Variants in CCDC7 observed in about 807,000 individuals in gnomAD.
CCDC7 encodes the protein coiled-coil domain-containing protein 7.
Under a neutral mutation model 196.9 loss-of-function variants are expected in CCDC7, and 183 were observed. That is an observed-to-expected ratio of 0.93 (90% CI 0.82 to 1.05). CCDC7 has a LOEUF of 1.05. Among genes scored for constraint, CCDC7 ranks in the 50% least tolerant of loss-of-function variants. CCDC7 has a pLI of 0.00. For missense variants in CCDC7, 1,540 were observed against 1,482.2 expected (o/e 1.04, Z -0.64); for synonymous variants, 525 against 484.6 (o/e 1.08, Z -1.10).
chr10:32,527,863 ATTTTTATTTTTAATT>A (rs2048914499), intron 11 of CCDC7, among the ~76,000 whole-genome samples: 1 of 151,996 alleles, frequency 6.6e-6, no homozygotes, highest in Admixed American at 6.6e-5. Context: ...TCTAATTTTT[ATTTTTATTTTTAATT>A]TTTTTATTTT....
chr10:32,508,932 ATT>A (rs4016795), intron 9 of CCDC7, among the ~76,000 whole-genome samples: 58 of 117,072 alleles, frequency 5.0e-4, no homozygotes, highest in African/African-American at 1.5e-3. Flanking sequence ...TGTGCCTGGC[ATT>A]TTTTTTTTTT....
chr10:32,724,610 A>G (rs1415639612), intron 25 of CCDC7, among the ~76,000 whole-genome samples: 2 of 152,122 alleles, frequency 1.3e-5, no homozygotes, highest in African/African-American at 4.8e-5. Context: ...AGCTCTTGCC[A>G]TTATATAGAT....
intron 21 of CCDC7, among the ~76,000 whole-genome samples, chr10:32,677,131 C>CGCATGTTCTCACTCATAGGTG (rs2075123589): frequency 6.9e-6 from 1 of 145,514 alleles, no homozygotes; most frequent in Non-Finnish European, 1.5e-5. Context: ...AACCAAACAC[C>CGCATGTTCTCACTCATAGGTG]GCATGTTCTC....
In CCDC7 at chr10:32,523,560, A is replaced by AC. The variant is rs542901427; in HGVS notation, c.993+5055_993+5056insC. ...CAAGACGCTGTCTCCAAAAAAAAAA[A>AC]AAACCGTAGGGTGTTTAAGTCTCCA... On this transcript the variant is annotated intron_variant, in intron 11 of 41. Transcript: ENST00000639629. 1.5e-3 allele frequency among the ~76,000 whole-genome samples: 221 copies of AC among 152,142 alleles called. 1 individual carries two copies. Among genetic ancestry groups the AC allele is most frequent in the African/African-American group, 5.1e-3 (210 of 41,498 alleles).
At chr10:32,518,370 A>G (rs1344323860) in intron 10 of CCDC7, 46 bp from the exon 12 acceptor site, 8 of 1,520,152 alleles carry the variant, frequency 5.3e-6, no homozygotes, top group Non-Finnish European at 7.0e-6. Context: ...ACCTTTCTAC[A>G]TTGAGAGTTT....
At chr10:32,786,038 A>G (rs545922627) in intron 29 of CCDC7, among the ~76,000 whole-genome samples, 11 of 152,316 alleles carry the variant, frequency 7.2e-5, no homozygotes, top group African/African-American at 2.4e-4. Context: ...GGAGACTCTT[A>G]GGATAGAATT....
At chr10:32,668,618 A>G (rs1591370895) in intron 21 of CCDC7, among the ~76,000 whole-genome samples, 1 of 152,114 alleles carries the variant, frequency 6.6e-6, no homozygotes, top group Non-Finnish European at 1.5e-5. Context: ...TTCTGCATCT[A>G]TTGAGATAAT....
At chr10:32,878,814 C>T (rs2094684941), downstream of CCDC7, among the ~76,000 whole-genome samples, 1 of 152,050 alleles carries the variant, frequency 6.6e-6, no homozygotes. Flanking sequence ...ATGTGTTTTT[C>T]TTTTGATTGA....
chr10:32,491,762 G>A (rs1171975714), intron 8 of CCDC7, among the ~76,000 whole-genome samples, 160 bp from the exon 10 acceptor site: 1 of 152,074 alleles, frequency 6.6e-6, no homozygotes, highest in Admixed American at 6.6e-5. Context: ...TAAAATGGTA[G>A]CTATTCTCCT....
At chr10:32,700,848 T>G (rs2078587084) in intron 24 of CCDC7, among the ~76,000 whole-genome samples, 1 of 152,210 alleles carries the variant, frequency 6.6e-6, no homozygotes, top group Non-Finnish European at 1.5e-5. Context: ...ACGATTTGGC[T>G]CTCTGTTTGT....
chr10:32,626,480 G>C (rs1159267422), intron 18 of CCDC7, among the ~76,000 whole-genome samples: 2 of 151,660 alleles, frequency 1.3e-5, no homozygotes, highest in African/African-American at 4.8e-5. Context: ...ATGAATGTAT[G>C]GCTTGTACAT....
chr10:32,658,702 C>T (rs969457146), intron 20 of CCDC7, among the ~76,000 whole-genome samples: 1 of 152,134 alleles, frequency 6.6e-6, no homozygotes, highest in African/African-American at 2.4e-5. Context: ...CTGTCAGTTG[C>T]AACGGCATCG....
intron 41 of CCDC7, among the ~76,000 whole-genome samples, chr10:32,857,890 C>A (rs1261892804): frequency 3.3e-5 from 5 of 151,040 alleles, no homozygotes; most frequent in Admixed American, 2.6e-4. Context: ...CCTTGCTAGG[C>A]AAACTAAGAA....
intron 20 of CCDC7, among the ~76,000 whole-genome samples, chr10:32,640,355 T>A (rs887271902): frequency 6.6e-6 from 1 of 151,916 alleles, no homozygotes; most frequent in Non-Finnish European, 1.5e-5. Context: ...GTTTTGCATT[T>A]GCTTGGTAGA....
At chr10:32,446,941 CCCTT>C (rs1384134795), upstream of CCDC7, among the ~76,000 whole-genome samples, 10 of 21,282 alleles carry the variant, frequency 4.7e-4, no homozygotes, top group East Asian at 1.0e-3. Flanking sequence ...TTCCCCTCTT[CCCTT>C]CCTCCCTCCC....
intron 20 of CCDC7, among the ~76,000 whole-genome samples, chr10:32,638,758 G>T (rs2066142620): frequency 5.9e-5 from 9 of 152,178 alleles, no homozygotes; most frequent in Admixed American, 4.6e-4. Context: ...ATGAGTTAGG[G>T]TGGATTCCCT....
chr10:32,699,288 G>C (rs1300766533), intron 24 of CCDC7, among the ~76,000 whole-genome samples: 1 of 144,156 alleles, frequency 6.9e-6, no homozygotes, highest in African/African-American at 2.6e-5. Context: ...CCACCTATGA[G>C]TGAGAACATG....
exon 17 of CCDC7, chr10:32,583,198 C>T: frequency 1.6e-6 from 2 of 1,231,438 alleles, no homozygotes; most frequent in Non-Finnish European, 2.0e-6. Flanking sequence ...ACAACAGTAT[C>T]ATCCAGCAAA....
chr10:32,847,780 T>G, intron 37 of CCDC7, 53 bp from the exon 39 acceptor site: 5 of 1,084,514 alleles, frequency 4.6e-6, no homozygotes, highest in Non-Finnish European at 6.8e-6. Flanking sequence ...AATACATGTG[T>G]AACATAAATG....
Sources: gnomAD v4.1 joint callset for allele counts (sites outside exome capture counted in the v4.1 genomes callset) on GRCh38, gnomAD v4.1.1 for gene constraint, MANE v1.5 for transcripts, NCBI Gene and HGNC (gene_info 2026-07-23, HGNC 2026-07-21) for gene names.